CSMD1: variants seen among roughly 807,000 people sequenced by gnomAD.
The protein encoded by CSMD1 is CUB and sushi domain-containing protein 1.
Under a neutral mutation model 417.5 loss-of-function variants are expected in CSMD1, and 213 were observed. The observed-to-expected ratio is 0.51, with a 90% CI of 0.46 to 0.57. CSMD1 has a LOEUF of 0.57. Ranked by LOEUF, CSMD1 falls within the 20% of genes least tolerant of loss-of-function variation. The pLI is 0.00. For missense variants in CSMD1, 6,923 were observed against 4,529.7 expected (o/e 1.53, Z -15.17); for synonymous variants, 2,862 against 1,736.8 (o/e 1.65, Z -16.11).
intron 1 of CSMD1, among the ~76,000 whole-genome samples, chr8:4,723,359 G>A (rs1809189055): frequency 6.6e-6 from 1 of 152,132 alleles, no homozygotes. Context: ...AAGGACCGAG[G>A]TTCGCTCAAC....
At chr8:4,561,993 C>G (rs190865892) in intron 2 of CSMD1, among the ~76,000 whole-genome samples, 2 of 152,078 alleles carry the variant, frequency 1.3e-5, no homozygotes, top group African/African-American at 2.4e-5. Context: ...GTTAAGGAAG[C>G]TTTAAAATCA....
intron 27 of CSMD1, among the ~76,000 whole-genome samples, chr8:3,227,635 C>T (rs1798591940): frequency 6.6e-6 from 1 of 151,924 alleles, no homozygotes; most frequent in Non-Finnish European, 1.5e-5. Context: ...TGTAGTTGTG[C>T]CTTCTAAAAA....
chr8:4,752,969 A>T (rs1811429077), intron 1 of CSMD1, among the ~76,000 whole-genome samples: 1 of 152,208 alleles, frequency 6.6e-6, no homozygotes, highest in Admixed American at 6.5e-5. Context: ...GAAAATCATT[A>T]CTTTAAAATA....
chr8:4,589,493 G>A (rs1291716880), intron 2 of CSMD1, among the ~76,000 whole-genome samples: 1 of 152,154 alleles, frequency 6.6e-6, no homozygotes, highest in Non-Finnish European at 1.5e-5. Context: ...CAGTGCCTGC[G>A]AGACAACAGT....
chr8:3,408,915 A>C (rs550937445), intron 13 of CSMD1, among the ~76,000 whole-genome samples: 107 of 152,280 alleles, frequency 7.0e-4, no homozygotes, highest in African/African-American at 2.5e-3. Context: ...AGTTATTTAC[A>C]AATAAAAAAA....
intron 29 of CSMD1, among the ~76,000 whole-genome samples, chr8:3,217,930 C>G (rs1797974499): frequency 6.6e-6 from 1 of 152,018 alleles, no homozygotes; most frequent in South Asian, 2.1e-4. Flanking sequence ...GAAAACCCTC[C>G]TAACTGTGAA....
intron 1 of CSMD1, among the ~76,000 whole-genome samples, chr8:4,712,376 G>T (rs891776710): frequency 3.3e-5 from 5 of 152,182 alleles, no homozygotes; most frequent in Non-Finnish European, 5.9e-5. Context: ...GGCACACACA[G>T]AACTGTCTAA....
chr8:3,370,565 C>T (rs1263263022), intron 18 of CSMD1, among the ~76,000 whole-genome samples: 1 of 152,212 alleles, frequency 6.6e-6, no homozygotes, highest in African/African-American at 2.4e-5. Flanking sequence ...CCGGTCATGT[C>T]TGTGAGGGTG....
chr8:4,305,106 T>A (rs1028196099), intron 3 of CSMD1, among the ~76,000 whole-genome samples: 2 of 152,206 alleles, frequency 1.3e-5, no homozygotes, highest in African/African-American at 2.4e-5. Context: ...GCCTCCTGGA[T>A]AAAATTTCAA....
intron 3 of CSMD1, among the ~76,000 whole-genome samples, chr8:4,166,189 C>T (rs1164642592): frequency 1.3e-5 from 2 of 152,182 alleles, no homozygotes; most frequent in Non-Finnish European, 2.9e-5. Flanking sequence ...AAAGCAAATG[C>T]AAAATAGTCA....
chr8:3,937,103 G>C (rs980633884), intron 5 of CSMD1, among the ~76,000 whole-genome samples: 2 of 152,202 alleles, frequency 1.3e-5, no homozygotes, highest in African/African-American at 4.8e-5. Flanking sequence ...ACTGTCATAA[G>C]ATCTTAATGG....
At chr8:3,619,576 T>A (rs1191528053) in intron 7 of CSMD1, among the ~76,000 whole-genome samples, 1 of 152,124 alleles carries the variant, frequency 6.6e-6, no homozygotes, top group Non-Finnish European at 1.5e-5. Context: ...AGGAAAGACA[T>A]AGATGTACAA....
chr8:4,551,337 T>A (rs926663107), intron 2 of CSMD1, among the ~76,000 whole-genome samples: 1 of 152,094 alleles, frequency 6.6e-6, no homozygotes, highest in Non-Finnish European at 1.5e-5. Flanking sequence ...CGGCTGTGAG[T>A]GCCTTTGGTG....
intron 20 of CSMD1, among the ~76,000 whole-genome samples, chr8:3,364,144 G>T (rs905422923): frequency 6.6e-6 from 1 of 151,116 alleles, no homozygotes; most frequent in Admixed American, 6.6e-5. Flanking sequence ...AAAGTTGCTA[G>T]TTATTTGTAT....
At chr8:3,263,327 G>A (rs148619841) in intron 26 of CSMD1, among the ~76,000 whole-genome samples, 2,203 of 152,248 alleles carry the variant, frequency 0.014, 48 homozygotes, top group African/African-American at 0.05. Context: ...TCGAACTCCT[G>A]GCCTCAAGTG....
intron 5 of CSMD1, among the ~76,000 whole-genome samples, chr8:3,854,842 T>C (rs979422013): frequency 5.9e-5 from 9 of 152,084 alleles, no homozygotes; most frequent in African/African-American, 2.2e-4. Context: ...AAACAGGGAA[T>C]TGTTAAATCA....
At chr8:4,703,496 T>C (rs1426160739) in intron 1 of CSMD1, among the ~76,000 whole-genome samples, 1 of 152,212 alleles carries the variant, frequency 6.6e-6, no homozygotes, top group Admixed American at 6.5e-5. Context: ...TTAAAACATG[T>C]ATACTTCATG....
chr8:4,963,324 T>G (rs764558381), intron 1 of CSMD1, among the ~76,000 whole-genome samples: 1 of 152,118 alleles, frequency 6.6e-6, no homozygotes, highest in Admixed American at 6.6e-5. Flanking sequence ...CTCAGCCTTC[T>G]GAGTAGCTGG....
At chr8:3,386,099 G>A (rs937277703) in intron 18 of CSMD1, among the ~76,000 whole-genome samples, 3 of 152,148 alleles carry the variant, frequency 2.0e-5, no homozygotes, top group Non-Finnish European at 4.4e-5. Context: ...TTACCTTGGT[G>A]CTTACACCAT....
Sources: gnomAD v4.1 joint callset for allele counts (sites outside exome capture counted in the v4.1 genomes callset) on GRCh38, gnomAD v4.1.1 for gene constraint, MANE v1.5 for transcripts, NCBI Gene and HGNC (gene_info 2026-07-23, HGNC 2026-07-21) for gene names.